AGAP1: variants seen among roughly 807,000 people sequenced by gnomAD.
AGAP1 encodes ArfGAP with GTPase domain, ankyrin repeat and PH domain 1.
In AGAP1, 29 loss-of-function variants were observed where a neutral mutation model predicts 105.3. That is an observed-to-expected ratio of 0.28 (90% confidence interval 0.21 to 0.38). The LOEUF is 0.38. Among genes scored for constraint, AGAP1 ranks in the 10% least tolerant of loss-of-function variants. AGAP1 has a pLI of 1.00. For synonymous variants in AGAP1, 509 were observed against 485.9 expected, an observed-to-expected ratio of 1.05 and a Z score of -0.63; for missense variants, 998 against 1,165.1, an observed-to-expected ratio of 0.86 and a Z score of 2.09.
chr2:235,786,937 G>A (rs1257539565), intron 6 of AGAP1, among the ~76,000 whole-genome samples: 1 of 152,186 alleles, frequency 6.6e-6, no homozygotes, highest in Admixed American at 6.5e-5. Flanking sequence ...TCTGGCTCCC[G>A]TATTCTTGAC....
chr2:235,809,684 C>T (rs1364729530), intron 9 of AGAP1, among the ~76,000 whole-genome samples: 3 of 152,182 alleles, frequency 2.0e-5, no homozygotes, highest in African/African-American at 7.2e-5. Context: ...ATCGATCTAT[C>T]TCACATCCCT....
intron 1 of AGAP1, among the ~76,000 whole-genome samples, chr2:235,545,562 C>T (rs1943596523): frequency 6.6e-6 from 1 of 152,204 alleles, no homozygotes; most frequent in Admixed American, 6.5e-5. Flanking sequence ...TGCTGTTTCC[C>T]AGAGTCATTT....
chr2:235,865,028 TC>T lies in AGAP1; in HGVS notation c.1051-18316del, dbSNP rs1193093587. On this transcript the variant is annotated intron_variant, in intron 9 of 17. Coordinates refer to ENST00000304032, the MANE Select transcript of AGAP1 (RefSeq NM_001037131.3). The surrounding 1 kb of genome is among the most constrained non-coding windows in gnomAD (Gnocchi z 6.2). ...TTTCTTTCCCTGTCATTGTTCTTGGTCTTGTTATTCAGTGGACGCTGTATTA... is the reference window on the plus strand; with the variant it reads ...TTTCTTTCCCTGTCATTGTTCTTGGTTTGTTATTCAGTGGACGCTGTATTA... Among the ~76,000 whole-genome samples the T allele has an allele frequency of 3.3e-5, 5 of 152,164 alleles. No homozygotes were observed. Among genetic ancestry groups the T allele is most frequent in the East Asian group, 3.9e-4 (2 of 5,192 alleles).
chr2:235,495,737 TTTC>T (rs2148990393), intron 1 of AGAP1, among the ~76,000 whole-genome samples: 1 of 152,350 alleles, frequency 6.6e-6, no homozygotes, highest in East Asian at 1.9e-4. Flanking sequence ...GCTGATTTAT[TTTC>T]TTGCTTCATC....
rs956599979 is a variant in AGAP1 at position 235,692,295 on chromosome 2, C to G, written c.164-16884C>G. Among the ~76,000 whole-genome samples the G allele has an allele frequency of 6.6e-6, 1 of 152,152 alleles. No individual in the cohort carries two copies. Among genetic ancestry groups the G allele is most frequent in the African/African-American group, 2.4e-5 (1 of 41,444 alleles). On this transcript the variant is annotated intron_variant, in intron 1 of 17. Coordinates refer to ENST00000304032, the MANE Select transcript of AGAP1 (RefSeq NM_001037131.3). The surrounding 1 kb of genome is among the most constrained non-coding windows in gnomAD (Gnocchi z 5.8). ...CCTCTGTAACAGAACGTGGCCCCTG[C>G]CTTCCATCTTCCCCAGGGTGCCAGT...
Position 235,566,654 on chromosome 2 carries a change from C to T in AGAP1, c.163+71805C>T. 1 of 956,024 alleles carries T rather than the reference C, an allele frequency of 1.0e-6. No homozygotes were observed. Among genetic ancestry groups the T allele is most frequent in the African/African-American group, 1.8e-5 (1 of 56,620 alleles). The allele number at this position is 956,024 out of a possible 1,614,324, so 59.2% of individuals were successfully genotyped here. On this transcript the variant is annotated intron_variant, in intron 1 of 17. Coordinates refer to ENST00000304032, the MANE Select transcript of AGAP1 (RefSeq NM_001037131.3). This position sits in a 1 kb window ranked among gnomAD's most constrained non-coding sequence, Gnocchi z 5.2. Reference sequence around the variant, plus strand: ...TATGCCTGACACCTTCCTCATGCCGCAGGACCAGCCGGGACCGGGGAGAGG... The same window carrying T: ...TATGCCTGACACCTTCCTCATGCCGTAGGACCAGCCGGGACCGGGGAGAGG...
At chr2:235,923,130 T>C (rs1275011167) in intron 11 of AGAP1, among the ~76,000 whole-genome samples, 2 of 152,200 alleles carry the variant, frequency 1.3e-5, no homozygotes, top group Non-Finnish European at 2.9e-5. Flanking sequence ...GAGTTCAGAA[T>C]GGGCCATGTC....
In AGAP1 at chr2:236,114,488, T is replaced by A. The variant is rs3768923; in HGVS notation, c.2115-5704T>A. The stretch of plus-strand genomic sequence containing the variant: ...AGGCTGCCAAAATAAAGTATTACAC[T>A]TGGGTGGCTTAAGTGCGGGACATTC... On this transcript the variant is annotated intron_variant, in intron 16 of 17. Transcript: ENST00000304032. The surrounding 1 kb of genome is among the most constrained non-coding windows in gnomAD (Gnocchi z 5.0). Among the ~76,000 whole-genome samples the A allele has an allele frequency of 1.3e-5, 2 of 152,026 alleles. No individual in the cohort carries two copies. The highest frequency in any genetic ancestry group is 4.8e-5 in the African/African-American group (2 of 41,444).
Position 235,639,714 on chromosome 2 carries a change from G to A in AGAP1, c.164-69465G>A, listed in dbSNP as rs774051962. On this transcript the variant is annotated intron_variant, in intron 1 of 17. Coordinates refer to ENST00000304032, the MANE Select transcript of AGAP1 (RefSeq NM_001037131.3). The surrounding 1 kb of genome is among the most constrained non-coding windows in gnomAD (Gnocchi z 5.3). Reference sequence around the variant, plus strand: ...CTTAGATAGTGGCAGCGCTTGCCTCGCTGCATCTCGTGTTCTCAAAATCAG... The same window carrying A: ...CTTAGATAGTGGCAGCGCTTGCCTCACTGCATCTCGTGTTCTCAAAATCAG... 1.3e-5 allele frequency among the ~76,000 whole-genome samples: 2 copies of A among 152,168 alleles called. No homozygotes were observed. Among genetic ancestry groups the A allele is most frequent in the Non-Finnish European group, 2.9e-5 (2 of 68,042 alleles).
At chr2:235,687,257 T>C (rs1289352242) in intron 1 of AGAP1, among the ~76,000 whole-genome samples, 7 of 152,230 alleles carry the variant, frequency 4.6e-5, no homozygotes, top group Non-Finnish European at 8.8e-5. Context: ...CCACAGGAGA[T>C]GTTTGTGACA....
chr2:235,894,459 G>A (rs1030857315), intron 10 of AGAP1, among the ~76,000 whole-genome samples: 9 of 152,292 alleles, frequency 5.9e-5, no homozygotes, highest in Middle Eastern at 6.8e-3. Flanking sequence ...GAACCTTGAC[G>A]TGTAGATACT....
intron 1 of AGAP1, among the ~76,000 whole-genome samples, chr2:235,632,198 TC>T (rs1946850359): frequency 6.6e-6 from 1 of 152,256 alleles, no homozygotes; most frequent in African/African-American, 2.4e-5. Context: ...CCCTGGCAGT[TC>T]AGTGACTTAA....
rs1042619226 is a variant in AGAP1, at chr2:235,797,366, C to G, written c.674-393C>G. 2.0e-5 allele frequency among the ~76,000 whole-genome samples: 3 copies of G among 152,216 alleles called. No homozygotes were observed. In the East Asian group the frequency reaches 5.8e-4, roughly 30 times the overall value. ...ATCTGTCTCCCATGTGGCTCCTGTT[C>G]CCAGTGTCGCCTCGTGTTCCACAGT... On this transcript the variant is annotated intron_variant, in intron 6 of 17. Transcript: ENST00000304032.
intron 1 of AGAP1, among the ~76,000 whole-genome samples, chr2:235,681,842 G>GTT (rs1949088111): frequency 1.1e-5 from 1 of 92,772 alleles, no homozygotes; most frequent in Non-Finnish European, 2.2e-5. Context: ...AATTTAGTTT[G>GTT]CTTTTTTTTT....
intron 1 of AGAP1, among the ~76,000 whole-genome samples, chr2:235,680,754 C>G (rs1310156159): frequency 6.6e-6 from 1 of 152,088 alleles, no homozygotes; most frequent in African/African-American, 2.4e-5. Context: ...TTAGGCAGAT[C>G]CTCATTTTCA....
intron 12 of AGAP1, among the ~76,000 whole-genome samples, chr2:235,945,659 A>C (rs1019772463): frequency 2.6e-5 from 4 of 152,182 alleles, no homozygotes; most frequent in Admixed American, 6.5e-5. Flanking sequence ...TCAGTCCTAC[A>C]CAAAGCTCTT....
At position 235,690,981 on chromosome 2, in the gene AGAP1, C is replaced by T. The variant is rs1259535358; in HGVS notation, c.164-18198C>T. Among the ~76,000 whole-genome samples the T allele has an allele frequency of 6.6e-6, 1 of 152,168 alleles. No individual in the cohort carries two copies. The highest frequency in any genetic ancestry group is 2.4e-5 in the African/African-American group (1 of 41,442). On this transcript the variant is annotated intron_variant, in intron 1 of 17. Coordinates refer to ENST00000304032, the MANE Select transcript of AGAP1 (RefSeq NM_001037131.3). This position sits in a 1 kb window ranked among gnomAD's most constrained non-coding sequence, Gnocchi z 4.1. ...GCCAGGAGCCTTCTTGGAAGTCGCT[C>T]ACCACCTGGTTTTCTCCAATTAGGC...
At position 236,120,608 on chromosome 2, in the gene AGAP1, C is replaced by T. The variant is rs542907507; in HGVS notation, c.2370+161C>T. Among the ~76,000 whole-genome samples the T allele has an allele frequency of 6.6e-6, 1 of 152,218 alleles. No homozygotes were observed. Among genetic ancestry groups the T allele is most frequent in the South Asian group, 2.1e-4 (1 of 4,830 alleles). ...TCTGATTGAAGAGCAGAGGGCCTTACGGAGAGACAGCCGGTCCTCCTTGTA... is the reference window on the plus strand; with the variant it reads ...TCTGATTGAAGAGCAGAGGGCCTTATGGAGAGACAGCCGGTCCTCCTTGTA... On this transcript the variant is annotated intron_variant, in intron 17 of 17. Coordinates refer to ENST00000304032, the MANE Select transcript of AGAP1 (RefSeq NM_001037131.3). The surrounding 1 kb of genome is among the most constrained non-coding windows in gnomAD (Gnocchi z 6.0).
intron 16 of AGAP1, among the ~76,000 whole-genome samples, chr2:236,117,299 G>A (rs1273008038): frequency 6.6e-6 from 1 of 152,182 alleles, no homozygotes; most frequent in Non-Finnish European, 1.5e-5. Flanking sequence ...CATTCTTGAA[G>A]GATGAAGGTG....
Sources: gnomAD v4.1 joint callset for allele counts (sites outside exome capture counted in the v4.1 genomes callset) on GRCh38, gnomAD v4.1.1 for gene constraint, Gnocchi (gnomAD v3.1) non-coding constraint, MANE v1.5 for transcripts, NCBI Gene and HGNC (gene_info 2026-07-23, HGNC 2026-07-21) for gene names.